SAMD12: variants seen among roughly 807,000 people sequenced by gnomAD.
SAMD12 encodes sterile alpha motif domain-containing protein 12.
A neutral mutation model predicts 15.0 loss-of-function variants in SAMD12; 9 were observed. The ratio of observed to expected loss-of-function variants is 0.60; its 90% confidence interval spans 0.36 to 1.05. The LOEUF is 1.05. SAMD12 is among the 50% of genes least tolerant of loss of function. SAMD12 has a pLI of 0.01. For missense variants in SAMD12, 230 were observed against 234.2 expected, an observed-to-expected ratio of 0.98 and a Z score of 0.12; for synonymous variants, 86 against 90.1, an observed-to-expected ratio of 0.96 and a Z score of 0.25.
chr8:118,318,073 G>C (rs1186288583), intron 4 of SAMD12, among the ~76,000 whole-genome samples: 2 of 151,856 alleles, frequency 1.3e-5, no homozygotes, highest in Non-Finnish European at 2.9e-5. Flanking sequence ...GTTGTGGTGA[G>C]AGGGGAATAC....
Position 118,260,323 on chromosome 8 carries a change from C to A in SAMD12, c.434-62591G>T, listed in dbSNP as rs148885823. On this transcript the variant is annotated intron_variant, in intron 4 of 4. Transcript: ENST00000409003. ...CATCAGCAGAAAAACTCATACTCAT[C>A]TTTTGAGATGCAGAATAAAGCCCTC... 3.2e-3 allele frequency among the ~76,000 whole-genome samples: 485 copies of A among 152,174 alleles called. 5 individuals are homozygous for A. Among genetic ancestry groups the A allele is most frequent in the African/African-American group, 0.011 (468 of 41,542 alleles).
Position 118,471,860 on chromosome 8 carries a change from C to G in SAMD12, c.193-31899G>C, listed in dbSNP as rs188701902. Among the ~76,000 whole-genome samples the G allele has an allele frequency of 9.9e-5, 15 of 152,020 alleles. No individual in the cohort carries two copies. In the East Asian group the frequency reaches 2.9e-3, roughly 29 times the overall value. ...CCACAAAGTAGGGTGGTAGATCTAC[C>G]TAAAGAAAATCTACTGCCTAAAGGC... On this transcript the variant is annotated intron_variant, in intron 2 of 3. Transcript: ENST00000314727.
the SAMD12 span, among the ~76,000 whole-genome samples, chr8:118,165,777 T>A: frequency 1.3e-5 from 2 of 151,700 alleles, no homozygotes; most frequent in African/African-American, 4.8e-5. Context: ...GTTCACAAAA[T>A]GTTCTCTTCA....
intron 2 of SAMD12, among the ~76,000 whole-genome samples, chr8:118,460,911 C>G (rs1333103578): frequency 6.6e-6 from 1 of 152,206 alleles, no homozygotes; most frequent in Admixed American, 6.5e-5. Flanking sequence ...CTTACCTTCT[C>G]AGCTACATCA....
intron 3 of SAMD12, among the ~76,000 whole-genome samples, chr8:118,407,694 G>A (rs1821202052): frequency 6.6e-6 from 1 of 152,248 alleles, no homozygotes; most frequent in South Asian, 2.1e-4. Context: ...GATTTTTGGT[G>A]ACAGTTTCCC....
At chr8:118,304,340 T>G (rs1316262871) in intron 4 of SAMD12, among the ~76,000 whole-genome samples, 1 of 152,230 alleles carries the variant, frequency 6.6e-6, no homozygotes, top group African/African-American at 2.4e-5. Context: ...CTTTGGTCTT[T>G]AAGTCTTCCT....
At chr8:118,575,434 G>T (rs182762153) in intron 2 of SAMD12, among the ~76,000 whole-genome samples, 1 of 152,266 alleles carries the variant, frequency 6.6e-6, no homozygotes, top group Admixed American at 6.5e-5. Context: ...CAGTGTAACA[G>T]ACCATATTTT....
chr8:118,220,295 T>C (rs1812055737), intron 4 of SAMD12, among the ~76,000 whole-genome samples: 1 of 152,210 alleles, frequency 6.6e-6, no homozygotes, highest in Non-Finnish European at 1.5e-5. Context: ...ATTTTTTAAA[T>C]TTTATTTTCC....
intron 4 of SAMD12, among the ~76,000 whole-genome samples, chr8:118,309,398 GTGTGTGTGTA>G (rs926474995): frequency 4.0e-5 from 6 of 151,372 alleles, no homozygotes; most frequent in East Asian, 1.9e-4. Context: ...GTGTGTGTGT[GTGTGTGTGTA>G]TGTGTATTAT....
chr8:118,453,674 C>A (rs1401387773), intron 2 of SAMD12, among the ~76,000 whole-genome samples: 1 of 152,010 alleles, frequency 6.6e-6, no homozygotes, highest in East Asian at 1.9e-4. Flanking sequence ...GTGCATGCCC[C>A]CATGCAGCTA....
At chr8:118,404,372 T>C (rs1821021890) in intron 3 of SAMD12, among the ~76,000 whole-genome samples, 1 of 152,238 alleles carries the variant, frequency 6.6e-6, no homozygotes, top group Admixed American at 6.5e-5. Context: ...ATTCTTGGCC[T>C]CCTGAAGAAA....
the SAMD12 span, among the ~76,000 whole-genome samples, chr8:118,163,482 T>TG: frequency 3.3e-5 from 5 of 152,262 alleles, no homozygotes; most frequent in Admixed American, 6.5e-5. Context: ...TATTGTACAG[T>TG]GGTACTCATA....
chr8:118,467,654 G>A (rs879095647), intron 2 of SAMD12, among the ~76,000 whole-genome samples: 4 of 152,154 alleles, frequency 2.6e-5, no homozygotes, highest in Non-Finnish European at 5.9e-5. Flanking sequence ...CTCTAGGAAA[G>A]CCTTGGGCTT....
the SAMD12 span, among the ~76,000 whole-genome samples, chr8:118,178,826 C>G: frequency 6.6e-6 from 1 of 152,184 alleles, no homozygotes; most frequent in East Asian, 1.9e-4. Context: ...GCAGACAAAT[C>G]CTGAAATCTC....
chr8:118,465,672 T>C (rs1473520529), intron 2 of SAMD12, among the ~76,000 whole-genome samples: 1 of 151,392 alleles, frequency 6.6e-6, no homozygotes, highest in East Asian at 1.9e-4. Flanking sequence ...AGTTATTTTA[T>C]GTTAAATGGA....
intron 2 of SAMD12, among the ~76,000 whole-genome samples, chr8:118,453,268 T>A (rs1823137979): frequency 6.6e-6 from 1 of 152,106 alleles, no homozygotes; most frequent in East Asian, 1.9e-4. Flanking sequence ...GGTAAAAAAA[T>A]CAATAAGTAG....
At chr8:118,344,183 T>G (rs569141444) in intron 4 of SAMD12, among the ~76,000 whole-genome samples, 2 of 152,336 alleles carry the variant, frequency 1.3e-5, no homozygotes, top group South Asian at 4.1e-4. Context: ...GACTCACTGT[T>G]GCATTCTGTT....
intron 4 of SAMD12, among the ~76,000 whole-genome samples, chr8:118,210,982 C>T (rs979493378): frequency 6.6e-6 from 1 of 152,204 alleles, no homozygotes; most frequent in South Asian, 2.1e-4. Context: ...CAACAAATAA[C>T]CCCTGCCCTT....
At chr8:118,426,232 G>T (rs1027130340) in intron 3 of SAMD12, among the ~76,000 whole-genome samples, 1 of 152,140 alleles carries the variant, frequency 6.6e-6, no homozygotes, top group Admixed American at 6.5e-5. Context: ...TCTAAATATT[G>T]TCCGGGTTTT....
Sources: gnomAD v4.1 joint callset for allele counts (sites outside exome capture counted in the v4.1 genomes callset) on GRCh38, gnomAD v4.1.1 for gene constraint, MANE v1.5 for transcripts, NCBI Gene and HGNC (gene_info 2026-07-23, HGNC 2026-07-21) for gene names.